The following EDIL3 variants were observed in gnomAD, a reference collection of about 807,000 sequenced individuals.
EDIL3 encodes the protein EGF like and discoidin domains 3, also known as EGF-like repeat and discoidin I-like domain-containing protein 3.
Under a neutral mutation model 67.4 loss-of-function variants are expected in EDIL3, and 37 were observed. The ratio of observed to expected loss-of-function variants is 0.55; its 90% confidence interval spans 0.42 to 0.72. The LOEUF (loss-of-function observed/expected upper bound fraction) is 0.72, where lower values mean the gene tolerates loss of function less well. Among genes scored for constraint, EDIL3 ranks in the 30% least tolerant of loss-of-function variants. The probability of loss-of-function intolerance (pLI) is 0.00; values close to 1 mark genes in which losing one functional copy is unlikely to be tolerated. For missense variants in EDIL3, 527 were observed against 586.3 expected, an observed-to-expected ratio of 0.90 and a Z score of 1.04; for synonymous variants, 195 against 196.3, an observed-to-expected ratio of 0.99 and a Z score of 0.05.
intron 4 of EDIL3, among the ~76,000 whole-genome samples, chr5:84,175,987 C>A (rs1342749890): frequency 1.3e-5 from 2 of 151,542 alleles, no homozygotes; most frequent in African/African-American, 4.9e-5. Context: ...CAGCAAATAT[C>A]ATTGACTAAC....
chr5:84,219,913 C>A (rs540060933), intron 3 of EDIL3, among the ~76,000 whole-genome samples: 1 of 151,348 alleles, frequency 6.6e-6, no homozygotes, highest in African/African-American at 2.4e-5. Flanking sequence ...CACTTATTTA[C>A]GGAGATAGAG....
chr5:83,982,090 C>CA (rs1258921244), intron 9 of EDIL3, among the ~76,000 whole-genome samples: 1 of 151,242 alleles, frequency 6.6e-6, no homozygotes, highest in Admixed American at 6.6e-5. Flanking sequence ...TAAGTTTTAC[C>CA]AAAAAAAATC....
At chr5:84,127,165 T>A (rs1389368755) in intron 5 of EDIL3, among the ~76,000 whole-genome samples, 1 of 152,104 alleles carries the variant, frequency 6.6e-6, no homozygotes, top group African/African-American at 2.4e-5. Context: ...GGCTTCCTTA[T>A]ATAACTATAG....
chr5:84,355,699 T>C (rs1747466264), intron 1 of EDIL3, among the ~76,000 whole-genome samples: 1 of 152,150 alleles, frequency 6.6e-6, no homozygotes, highest in Non-Finnish European at 1.5e-5. Flanking sequence ...CAGCTGGAGC[T>C]TTCCTGTATG....
intron 1 of EDIL3, among the ~76,000 whole-genome samples, chr5:84,301,519 T>C (rs1746161669): frequency 6.6e-6 from 1 of 152,128 alleles, no homozygotes; most frequent in African/African-American, 2.4e-5. Context: ...ATGGGCGAAA[T>C]ACAGAAATGG....
rs1288633931 is a variant in EDIL3 at position 84,107,198 on chromosome 5, G to T, written c.470-368C>A. On this transcript the variant is annotated intron_variant, in intron 5 of 10. Coordinates refer to ENST00000296591, the MANE Select transcript of EDIL3 (RefSeq NM_005711.5). ...GATTAGCATGCCTCACAAATTATAA[G>T]CTCTCAACAAATATTTTTCCATCCA... Among the ~76,000 whole-genome samples the T allele has an allele frequency of 2.0e-5, 3 of 151,766 alleles. No homozygotes were observed. The East Asian group carries it at 5.8e-4, about 29-fold the overall frequency.
intron 3 of EDIL3, among the ~76,000 whole-genome samples, chr5:84,215,497 C>G (rs1744210721): frequency 6.6e-6 from 1 of 152,140 alleles, no homozygotes; most frequent in Non-Finnish European, 1.5e-5. Flanking sequence ...CGTGATCCGC[C>G]CTCCTGGGCC....
chr5:84,243,213 T>C (rs1744833705), intron 2 of EDIL3, among the ~76,000 whole-genome samples: 1 of 151,884 alleles, frequency 6.6e-6, no homozygotes, highest in Non-Finnish European at 1.5e-5. Context: ...GCCCACACAC[T>C]TCAGTGTTTA....
At chr5:83,950,025 C>T (rs1025836922) in intron 10 of EDIL3, among the ~76,000 whole-genome samples, 1 of 151,760 alleles carries the variant, frequency 6.6e-6, no homozygotes, top group Non-Finnish European at 1.5e-5. Context: ...CACAAAAACT[C>T]TGAATACCAA....
At chr5:84,368,668 A>G (rs1580106210) in intron 1 of EDIL3, among the ~76,000 whole-genome samples, 1 of 152,154 alleles carries the variant, frequency 6.6e-6, no homozygotes, top group East Asian at 1.9e-4. Flanking sequence ...ATCCAAATAA[A>G]CTACCACAGA....
chr5:84,353,537 T>C (rs763545247), intron 1 of EDIL3, among the ~76,000 whole-genome samples: 6 of 152,188 alleles, frequency 3.9e-5, no homozygotes, highest in Non-Finnish European at 5.9e-5. Flanking sequence ...GGAACTTATC[T>C]TGAACGAAAA....
At chr5:84,179,730 C>T (rs1748982849) in intron 4 of EDIL3, among the ~76,000 whole-genome samples, 1 of 152,172 alleles carries the variant, frequency 6.6e-6, no homozygotes, top group Non-Finnish European at 1.5e-5. Flanking sequence ...ATCTCCCTGA[C>T]AGCTTAGAGT....
At chr5:83,989,192 AT>A (rs1209876305) in intron 9 of EDIL3, among the ~76,000 whole-genome samples, 1 of 152,180 alleles carries the variant, frequency 6.6e-6, no homozygotes, top group Non-Finnish European at 1.5e-5. Flanking sequence ...TTCCTGCTTC[AT>A]TTTAATAAAT....
chr5:84,269,639 T>A (rs186268017), intron 1 of EDIL3, among the ~76,000 whole-genome samples: 5 of 152,278 alleles, frequency 3.3e-5, no homozygotes, highest in Admixed American at 3.3e-4. Context: ...GTTCTTATGA[T>A]CTAGGAATAA....
At chr5:84,280,505 T>C (rs62363027) in intron 1 of EDIL3, among the ~76,000 whole-genome samples, 11,264 of 152,232 alleles carry the variant, frequency 0.074, 558 homozygotes, top group Middle Eastern at 0.16. Flanking sequence ...TATCTGTGAA[T>C]ATATTTTTTA....
chr5:84,288,867 T>G (rs767558255), intron 1 of EDIL3, among the ~76,000 whole-genome samples: 3 of 152,036 alleles, frequency 2.0e-5, no homozygotes, highest in Admixed American at 1.3e-4. Context: ...CCCACAAGAA[T>G]AGACTTTTTT....
At chr5:84,056,240 A>G (rs1006274164) in intron 9 of EDIL3, among the ~76,000 whole-genome samples, 6 of 151,840 alleles carry the variant, frequency 4.0e-5, no homozygotes, top group African/African-American at 1.2e-4. Flanking sequence ...CAAACACCGC[A>G]TGTTCTCACT....
intron 10 of EDIL3, among the ~76,000 whole-genome samples, chr5:83,947,359 GTGTCTGTGTC>G (rs1218137749): frequency 4.7e-5 from 4 of 84,712 alleles, no homozygotes; most frequent in African/African-American, 1.5e-4. Context: ...GTATGTGTCT[GTGTCTGTGTC>G]TGTGTGTGTG....
At chr5:84,276,789 G>T (rs1191470258) in intron 1 of EDIL3, among the ~76,000 whole-genome samples, 1 of 151,888 alleles carries the variant, frequency 6.6e-6, no homozygotes, top group Non-Finnish European at 1.5e-5. Flanking sequence ...GGCCAGGCTG[G>T]TCTCAAACTC....
Sources: gnomAD v4.1 joint callset for allele counts (sites outside exome capture counted in the v4.1 genomes callset) on GRCh38, gnomAD v4.1.1 for gene constraint, MANE v1.5 for transcripts, NCBI Gene and HGNC (gene_info 2026-07-23, HGNC 2026-07-21) for gene names.